The following FBXO47 variants were observed in gnomAD, a reference collection of about 807,000 sequenced individuals.
The protein encoded by FBXO47 is F-box only protein 47.
Under a neutral mutation model 53.9 loss-of-function variants are expected in FBXO47, and 34 were observed. The observed-to-expected ratio is 0.63, with a 90% CI of 0.48 to 0.84. The LOEUF is 0.84. FBXO47 is among the 40% of genes least tolerant of loss of function. The probability of loss-of-function intolerance (pLI) is 0.00; values close to 1 mark genes in which losing one functional copy is unlikely to be tolerated. For missense variants in FBXO47, 485 were observed against 541.3 expected, an observed-to-expected ratio of 0.90 and a Z score of 1.03; for synonymous variants, 165 against 181.6, an observed-to-expected ratio of 0.91 and a Z score of 0.73.
intron 6 of FBXO47, among the ~76,000 whole-genome samples, chr17:38,949,180 G>C (rs1905078872): frequency 6.6e-6 from 1 of 152,072 alleles, no homozygotes; most frequent in Non-Finnish European, 1.5e-5. Context: ...ACTTTGGGAG[G>C]CTGAGACAGG....
chr17:38,965,716 A>AG (rs1411097826), intron 1 of FBXO47, among the ~76,000 whole-genome samples: 1 of 142,424 alleles, frequency 7.0e-6, no homozygotes, highest in African/African-American at 2.6e-5. Flanking sequence ...TACTAAAAAA[A>AG]AAAAAAAAAA....
At chr17:38,966,497 G>C (rs1906139108) in intron 1 of FBXO47, among the ~76,000 whole-genome samples, 3 of 152,132 alleles carry the variant, frequency 2.0e-5, no homozygotes, top group Admixed American at 6.6e-5. Context: ...CACCGCACCC[G>C]GCCAACACAG....
rs771861321 is a variant in FBXO47 at position 38,938,524 on chromosome 17, T to C, written c.1243+49A>G. On this transcript the variant is annotated intron_variant, in intron 10 of 10. Coordinates refer to ENST00000378079, the MANE Select transcript of FBXO47 (RefSeq NM_001008777.3). ...AAATATCTCTGTTTTAGGTGGAGACTAGAGCGCATTTTTACGCACACCTGT... is the reference window on the plus strand; with the variant it reads ...AAATATCTCTGTTTTAGGTGGAGACCAGAGCGCATTTTTACGCACACCTGT... The C allele has an allele frequency of 5.7e-6, 8 of 1,398,230 alleles. 1 individual carries two copies. In the East Asian group the frequency reaches 1.4e-4, roughly 24 times the overall value. 86.6% of individuals were successfully genotyped at this position (1,398,230 alleles called of 1,614,324 possible). A position where few individuals can be genotyped will look rare whatever the true frequency, so the allele number is the denominator to read the frequency against.
intron 3 of FBXO47, among the ~76,000 whole-genome samples, chr17:38,961,178 A>G (rs1905798172): frequency 6.6e-6 from 1 of 152,180 alleles, no homozygotes; most frequent in African/African-American, 2.4e-5. Context: ...TATTCACTTA[A>G]CTTACTGTTA....
chr17:38,943,291 G>A (rs1429563572), intron 8 of FBXO47, among the ~76,000 whole-genome samples: 2 of 152,074 alleles, frequency 1.3e-5, no homozygotes, highest in Non-Finnish European at 2.9e-5. Context: ...GCTTTTTACA[G>A]AACCTAGGAG....
intron 1 of FBXO47, among the ~76,000 whole-genome samples, chr17:38,964,338 G>A (rs1423387165): frequency 6.6e-6 from 1 of 151,976 alleles, no homozygotes; most frequent in Non-Finnish European, 1.5e-5. Flanking sequence ...GCTCATTCCT[G>A]TAATCCCAGC....
intron 5 of FBXO47, among the ~76,000 whole-genome samples, chr17:38,953,969 G>A (rs548321151): frequency 6.6e-6 from 1 of 152,266 alleles, no homozygotes; most frequent in Non-Finnish European, 1.5e-5. Context: ...TGCAGTGCCT[G>A]CCTCACAAGG....
At chr17:38,947,356 GCT>G (rs1373194568) in intron 6 of FBXO47, among the ~76,000 whole-genome samples, 1 of 151,882 alleles carries the variant, frequency 6.6e-6, no homozygotes, top group Admixed American at 6.6e-5. Context: ...ATGGGGTCTT[GCT>G]CTGTCACCCA....
chr17:38,960,008 T>C (rs1346687581), intron 3 of FBXO47, among the ~76,000 whole-genome samples: 1 of 151,910 alleles, frequency 6.6e-6, no homozygotes, highest in Non-Finnish European at 1.5e-5. Context: ...GATCTCCCTA[T>C]GTTACCCAGG....
chr17:38,937,519 G>A (rs1345446820), intron 10 of FBXO47, among the ~76,000 whole-genome samples: 1 of 151,574 alleles, frequency 6.6e-6, no homozygotes, highest in African/African-American at 2.4e-5. Flanking sequence ...ACCACACCTG[G>A]CTAATTTTTG....
chr17:38,946,370 A>C (rs1309126043), intron 6 of FBXO47, among the ~76,000 whole-genome samples: 2 of 88,772 alleles, frequency 2.3e-5, no homozygotes, highest in Non-Finnish European at 3.7e-5. Flanking sequence ...AAATATATAG[A>C]TATATATATA....
At chr17:38,952,813 G>C (rs1230624307) in intron 5 of FBXO47, among the ~76,000 whole-genome samples, 3 of 124,188 alleles carry the variant, frequency 2.4e-5, no homozygotes, top group Non-Finnish European at 4.9e-5. Flanking sequence ...ATTTATTTAT[G>C]ACTTTTTTTT....
intron 6 of FBXO47, among the ~76,000 whole-genome samples, chr17:38,946,329 TATAA>T (rs1173810490): frequency 7.2e-5 from 7 of 96,948 alleles, no homozygotes; most frequent in South Asian, 3.5e-4. Context: ...TATATAAATA[TATAA>T]ATATATATAA....
intron 6 of FBXO47, among the ~76,000 whole-genome samples, chr17:38,946,617 TATAA>T (rs1271642877): frequency 2.4e-5 from 2 of 82,332 alleles, no homozygotes; most frequent in African/African-American, 5.9e-5. Context: ...TATATAACTA[TATAA>T]ATATATATGA....
chr17:38,945,366 GTCAA>G (rs745799643), intron 6 of FBXO47, among the ~76,000 whole-genome samples: 12 of 152,018 alleles, frequency 7.9e-5, no homozygotes, highest in Non-Finnish European at 1.6e-4. Context: ...TGAATAATGG[GTCAA>G]TCAATCAAAA....
chr17:38,952,635 G>C (rs937543892), intron 5 of FBXO47, among the ~76,000 whole-genome samples: 1 of 151,630 alleles, frequency 6.6e-6, no homozygotes, highest in Non-Finnish European at 1.5e-5. Context: ...CCTGAACTTC[G>C]ACAATGTGAG....
Position 38,945,041 on chromosome 17 carries a change from T to C in FBXO47, c.712A>G (p.Thr238Ala), listed in dbSNP as rs755139986. 10 of 1,613,922 alleles carry C rather than the reference T, an allele frequency of 6.2e-6. No individual in the cohort carries two copies. The South Asian group carries it at 1.1e-4, about 18-fold the overall frequency. Reference protein sequence around the residue: ...THRSDSAFWLTRILKPWPMVN... With the variant: ...THRSDSAFWLARILKPWPMVN... ...ATTGGCCATGGTTTTAATATTCGCG[T>C]CAACCAAAAAGCAGAATCACTTCGA... is the stretch of plus-strand genomic sequence containing the variant. The change falls in exon 7 of 11, where the codon ACG becomes GCG. Residue 238 changes from threonine (T) to alanine (A), a missense_variant. Transcript: ENST00000378079.
chr17:38,936,620 T>C lies in FBXO47; in HGVS notation c.*555A>G, dbSNP rs2143869304. The C allele has an allele frequency of 6.6e-6, 1 of 152,414 alleles. No individual in the cohort carries two copies. Among genetic ancestry groups the C allele is most frequent in the East Asian group, 1.9e-4 (1 of 5,192 alleles). 9.4% of individuals were successfully genotyped at this position (152,414 alleles called of 1,614,324 possible). A position where few individuals can be genotyped will look rare whatever the true frequency, so the allele number is the denominator to read the frequency against. On this transcript the variant is annotated 3_prime_UTR_variant, in exon 11 of 11. Transcript: ENST00000378079. Reference sequence around the variant, plus strand: ...ATATATATATATAGACATATATGTATACTTTGTTTTTTATCCATTAGTTCA... The same window carrying C: ...ATATATATATATAGACATATATGTACACTTTGTTTTTTATCCATTAGTTCA...
rs1330130155 is a variant in FBXO47 at position 38,962,756 on chromosome 17, G to C, written c.181+89C>G. The C allele has an allele frequency of 3.2e-5, 27 of 847,722 alleles. No individual in the cohort carries two copies. The East Asian group carries it at 7.0e-4, about 22-fold the overall frequency. The allele number at this position is 847,722 out of a possible 1,614,324, so 52.5% of individuals were successfully genotyped here. On this transcript the variant is annotated intron_variant, in intron 2 of 10. Transcript: ENST00000378079. ...TAACATGAATGTCATTAACATTTTA[G>C]CATGGCCCAAGATGACAAACTAGTT...
Sources: gnomAD v4.1 joint callset for allele counts (sites outside exome capture counted in the v4.1 genomes callset) on GRCh38, gnomAD v4.1.1 for gene constraint, MANE v1.5 for transcripts, NCBI Gene and HGNC (gene_info 2026-07-23, HGNC 2026-07-21) for gene names.